The following DNAJB12 variants were observed in gnomAD, a reference collection of about 807,000 sequenced individuals.
DNAJB12 encodes dnaJ homolog subfamily B member 12.
In DNAJB12, 14 loss-of-function variants were observed where a neutral mutation model predicts 40.6. The ratio of observed to expected loss-of-function variants is 0.34; its 90% CI spans 0.23 to 0.54. The LOEUF is 0.54. Ranked by LOEUF, DNAJB12 falls within the 20% of genes least tolerant of loss-of-function variation. DNAJB12 has a pLI of 0.92. For missense variants in DNAJB12, 444 were observed against 501.7 expected (o/e 0.89, Z 1.10); for synonymous variants, 181 against 199.5 (o/e 0.91, Z 0.78).
intron 1 of DNAJB12, chr10:72,354,139 G>C (rs1248083191): frequency 1.3e-5 from 2 of 152,370 alleles, no homozygotes; most frequent in East Asian, 3.9e-4. Context: ...CCTCCCACCA[G>C]GCCACCCGCT....
chr10:72,352,411 C>T (rs1174657619), intron 1 of DNAJB12, among the ~76,000 whole-genome samples: 1 of 152,176 alleles, frequency 6.6e-6, no homozygotes, highest in Non-Finnish European at 1.5e-5. Context: ...AAGTCTCACA[C>T]CGTCCTCCAA....
intron 1 of DNAJB12, among the ~76,000 whole-genome samples, chr10:72,346,800 G>C (rs185198179): frequency 6.6e-6 from 1 of 152,158 alleles, no homozygotes; most frequent in East Asian, 1.9e-4. Context: ...ATTTCTTTCA[G>C]TGTATTTGGT....
At position 72,343,347 on chromosome 10, in the gene DNAJB12, G is replaced by T; in HGVS notation, c.457+19C>A. The T allele has an allele frequency of 6.2e-7, 1 of 1,609,022 alleles. No individual in the cohort carries two copies. Among genetic ancestry groups the T allele is most frequent in the Non-Finnish European group, 8.5e-7 (1 of 1,177,388 alleles). On this transcript the variant is annotated intron_variant, in intron 3 of 8. Coordinates refer to ENST00000444643, the MANE Select transcript of DNAJB12 (RefSeq NM_017626.7). ...GGAGATGAACACACCAAAATGCTAGGAAAGCAGGGCTGGCTTACCTTTGAA... is the reference window on the plus strand; with the variant it reads ...GGAGATGAACACACCAAAATGCTAGTAAAGCAGGGCTGGCTTACCTTTGAA...
intron 1 of DNAJB12, among the ~76,000 whole-genome samples, chr10:72,345,926 A>G (rs1389024158): frequency 3.3e-5 from 5 of 151,590 alleles, no homozygotes; most frequent in Admixed American, 3.3e-4. Context: ...TAGGCAGGAT[A>G]GAGGTCTTTT....
intron 6 of DNAJB12, 66 bp from the exon 7 acceptor site, chr10:72,336,762 G>C (rs1861490388): frequency 6.9e-7 from 1 of 1,457,636 alleles, no homozygotes; most frequent in Non-Finnish European, 9.5e-7. Context: ...TAGGGGTATG[G>C]GCCCCAAGAC....
intron 6 of DNAJB12, among the ~76,000 whole-genome samples, chr10:72,337,377 GGCCACCTTTTGGGAGAGGGGGA>G (rs1303284785): frequency 6.6e-6 from 1 of 152,220 alleles, no homozygotes; most frequent in African/African-American, 2.4e-5. Flanking sequence ...AGCCAGAGGT[GGCCACCTTTTGGGAGAGGGGGA>G]CCCACCCCAC....
Position 72,338,278 on chromosome 10 carries a change from T to C in DNAJB12, c.757A>G (p.Ile253Val), listed in dbSNP as rs746547763. The change falls in exon 6 of 9, where the codon ATC (isoleucine) becomes GTC (valine). Residue 253 changes from isoleucine (I) to valine (V), a missense_variant. Coordinates refer to ENST00000444643, the MANE Select transcript of DNAJB12 (RefSeq NM_017626.7). ...GCTGACACGAGAATCAGGATGAGGA[T>C]AGGCATCAGCTGCACAAACACCCCT... ...GLGVFVQLMP[I>V]LILILVSALS... 4 of 1,614,004 alleles carry C rather than the reference T, an allele frequency of 2.5e-6. No individual in the cohort carries two copies. Among genetic ancestry groups the C allele is most frequent in the Non-Finnish European group, 3.4e-6 (4 of 1,179,972 alleles).
intron 6 of DNAJB12, among the ~76,000 whole-genome samples, chr10:72,337,882 G>A (rs762239760): frequency 2.6e-5 from 4 of 152,146 alleles, no homozygotes; most frequent in Non-Finnish European, 5.9e-5. Context: ...GTGCGTGTAT[G>A]TGTGCATGTG....
intron 1 of DNAJB12, chr10:72,354,490 C>T: frequency 2.3e-6 from 1 of 432,806 alleles, no homozygotes; most frequent in Non-Finnish European, 4.1e-6. Context: ...TCCCGGCTGC[C>T]AGCGCGTTTC....
At chr10:72,351,276 T>A (rs1018781309) in intron 1 of DNAJB12, among the ~76,000 whole-genome samples, 1 of 152,228 alleles carries the variant, frequency 6.6e-6, no homozygotes. Flanking sequence ...ACCTCCCAGC[T>A]TAGGGCCCAG....
intron 1 of DNAJB12, 25 bp downstream of exon 1, chr10:72,354,740 A>T (rs1489999484): frequency 6.3e-7 from 1 of 1,586,094 alleles, no homozygotes. Context: ...TAATGTCCCC[A>T]GTCTCTCCGG....
chr10:72,339,203 C>T (rs1019093535), intron 5 of DNAJB12, among the ~76,000 whole-genome samples: 1 of 134,106 alleles, frequency 7.5e-6, no homozygotes, highest in Admixed American at 8.1e-5. Context: ...GAGGCTCCTG[C>T]ACTCTAGCCA....
At position 72,341,140 on chromosome 10, in the gene DNAJB12, T is replaced by G. The variant is rs749348077; in HGVS notation, c.488A>C (p.Asn163Thr). 2 of 1,613,814 alleles carry G rather than the reference T, an allele frequency of 1.2e-6. No individual in the cohort carries two copies. Among genetic ancestry groups the G allele is most frequent in the South Asian group, 2.2e-5 (2 of 91,072 alleles). Reference protein sequence around the residue: ...AIGTAYAVLSNPEKRKQYDQF... With the variant: ...AIGTAYAVLSTPEKRKQYDQF... ...GTCATACTGCTTCCTCTTCTCCGGGTTGCTGAGTACCGCATATGCTGTGCC... is the reference window on the plus strand; with the variant it reads ...GTCATACTGCTTCCTCTTCTCCGGGGTGCTGAGTACCGCATATGCTGTGCC... Residue 163 changes from asparagine (N) to threonine (T), a missense_variant, in exon 4 of 9, where the codon AAC becomes ACC. By Grantham distance (65) the Asn-to-Thr change is moderately conservative. Transcript: ENST00000444643.
In DNAJB12 at chr10:72,334,279, A is replaced by C. The variant is rs1438908399; in HGVS notation, c.*369T>G. On this transcript the variant is annotated 3_prime_UTR_variant, in exon 9 of 9. Transcript: ENST00000444643. ...GAGGTGGCTGGTGGTGGCTCCTGTGAGGGAGGAAAGGCAGCTGGGTGCCCC... is the reference window on the plus strand; with the variant it reads ...GAGGTGGCTGGTGGTGGCTCCTGTGCGGGAGGAAAGGCAGCTGGGTGCCCC... 2.3e-6 allele frequency: 1 copy of C among 429,288 alleles called. No individual in the cohort carries two copies. The allele number at this position is 429,288 out of a possible 1,614,324, so 26.6% of individuals were successfully genotyped here. A position where few individuals can be genotyped will look rare whatever the true frequency, so the allele number is the denominator to read the frequency against.
chr10:72,347,072 C>T (rs1861811815), intron 1 of DNAJB12, among the ~76,000 whole-genome samples: 1 of 151,822 alleles, frequency 6.6e-6, no homozygotes, highest in Non-Finnish European at 1.5e-5. Context: ...TCAAGCGATT[C>T]TCCCGCCTCA....
At chr10:72,340,698 C>G (rs567511068) in intron 5 of DNAJB12, 91 bp downstream of exon 5, 12 of 1,269,752 alleles carry the variant, frequency 9.5e-6, no homozygotes, top group South Asian at 1.3e-5. Flanking sequence ...CCAGAATGGA[C>G]AGTGTGGGAG....
At chr10:72,350,642 G>A (rs1036269368) in intron 1 of DNAJB12, among the ~76,000 whole-genome samples, 8 of 152,114 alleles carry the variant, frequency 5.3e-5, no homozygotes, top group African/African-American at 1.9e-4. Context: ...CTGAGTTTCT[G>A]GGCTCTGTGT....
At position 72,333,742 on chromosome 10, in the gene DNAJB12, C is replaced by G. The variant is rs576227944; in HGVS notation, c.*906G>C. The stretch of plus-strand genomic sequence containing the variant: ...AGGGGGCTGGAGGGCTCCTGGGCAC[C>G]AGGACAAAGAGCCCACCAGCGCTGC... On this transcript the variant is annotated 3_prime_UTR_variant, in exon 9 of 9. Transcript: ENST00000444643. 2 of 152,782 alleles carry G rather than the reference C, an allele frequency of 1.3e-5. No homozygotes were observed. Among genetic ancestry groups the G allele is most frequent in the Non-Finnish European group, 2.9e-5 (2 of 68,098 alleles). 9.5% of individuals were successfully genotyped at this position (152,782 alleles called of 1,614,324 possible). A position where few individuals can be genotyped will look rare whatever the true frequency, so the allele number is the denominator to read the frequency against.
In DNAJB12 at chr10:72,345,018, C is replaced by G. The variant is rs767867325; in HGVS notation, c.243G>C (p.Ser81=). 1 of 1,614,174 alleles carries G rather than the reference C, an allele frequency of 6.2e-7. No individual in the cohort carries two copies. Among genetic ancestry groups the G allele is most frequent in the South Asian group, 1.1e-5 (1 of 91,082 alleles). ...TCTCTCCTCCAGCTTCACCGTTGGC[C>G]GAGGGGGCATCGGTCCCACCTGCTT... ...HRKAGGTDAP[S]ANGEAGGEST... The change falls in exon 2 of 9, where the codon TCG becomes TCC. Residue 81 remains serine (S), a synonymous_variant. Transcript: ENST00000444643.
Sources: allele counts gnomAD v4.1 joint callset (sites outside exome capture counted in the v4.1 genomes callset), GRCh38; gene constraint gnomAD v4.1.1; transcripts MANE v1.5; gene names NCBI Gene and HGNC (gene_info 2026-07-23, HGNC 2026-07-21).